Variants in RHOBTB1 observed in about 807,000 individuals in gnomAD.
RHOBTB1 encodes the protein Rho related BTB domain containing 1, also known as rho-related BTB domain-containing protein 1.
RHOBTB1 carries 40 observed loss-of-function variants against 71.6 expected under a neutral mutation model. That is an observed-to-expected ratio of 0.56 (90% CI 0.43 to 0.73). The LOEUF is 0.73. RHOBTB1 is among the 30% of genes least tolerant of loss of function. The pLI is 0.00. For synonymous variants in RHOBTB1, 319 were observed against 334.9 expected, an observed-to-expected ratio of 0.95 and a Z score of 0.52; for missense variants, 797 against 894.0, an observed-to-expected ratio of 0.89 and a Z score of 1.38.
chr10:60,972,961 A>C (rs2086209869), intron 2 of RHOBTB1, among the ~76,000 whole-genome samples: 1 of 152,054 alleles, frequency 6.6e-6, no homozygotes, highest in Admixed American at 6.6e-5. Context: ...AGCAAGAATG[A>C]TTTTAGTTTG....
At chr10:60,976,181 C>A (rs2086308152) in intron 2 of RHOBTB1, among the ~76,000 whole-genome samples, 2 of 151,846 alleles carry the variant, frequency 1.3e-5, no homozygotes. Flanking sequence ...AACGGTGGCA[C>A]ATAAGGAAAG....
At chr10:60,954,665 A>T (rs960888649) in intron 2 of RHOBTB1, among the ~76,000 whole-genome samples, 9 of 152,198 alleles carry the variant, frequency 5.9e-5, no homozygotes, top group Non-Finnish European at 7.3e-5. Flanking sequence ...ACCTACTTGA[A>T]AAAATGGATG....
intron 2 of RHOBTB1, among the ~76,000 whole-genome samples, chr10:60,964,156 G>A (rs569854954): frequency 3.3e-5 from 5 of 151,924 alleles, no homozygotes; most frequent in Non-Finnish European, 4.4e-5. Flanking sequence ...AAAATATAAC[G>A]CATGCAACGT....
chr10:60,956,253 T>C (rs952694416), intron 2 of RHOBTB1, among the ~76,000 whole-genome samples: 6 of 152,054 alleles, frequency 3.9e-5, no homozygotes, highest in African/African-American at 1.5e-4. Flanking sequence ...ACAGTAAAAA[T>C]ATGAATAAAA....
At chr10:60,944,508 C>T (rs749618856), upstream of RHOBTB1, among the ~76,000 whole-genome samples, 1 of 152,146 alleles carries the variant, frequency 6.6e-6, no homozygotes, top group African/African-American at 2.4e-5. Context: ...GCATGGGAGA[C>T]CCCGGCCCTT....
intron 5 of RHOBTB1, 81 bp downstream of exon 5, chr10:60,892,729 G>C (rs148199313): frequency 2.2e-4 from 277 of 1,257,020 alleles, no homozygotes; most frequent in Middle Eastern, 7.2e-4. Flanking sequence ...TTGAAGAGCA[G>C]AACACCAGGC....
In RHOBTB1 at chr10:60,937,963, T is replaced by C. The variant is rs537084975; in HGVS notation, c.-11+3841A>G. ...CCCTCTGAGGGGGGAGGGGATGCTG[T>C]TCCCATTTTACAGTTGAGGAAAGTA... On this transcript the variant is annotated intron_variant, in intron 2 of 10. Coordinates refer to ENST00000337910, the MANE Select transcript of RHOBTB1 (RefSeq NM_014836.5). 5.9e-5 allele frequency among the ~76,000 whole-genome samples: 9 copies of C among 152,314 alleles called. No individual in the cohort carries two copies. In the East Asian group the frequency reaches 1.7e-3, roughly 29 times the overall value.
intron 7 of RHOBTB1, among the ~76,000 whole-genome samples, chr10:60,878,318 C>A (rs1458155935): frequency 6.6e-6 from 1 of 152,124 alleles, no homozygotes; most frequent in African/African-American, 2.4e-5. Context: ...CTAAATCAGA[C>A]AAATGGACTG....
chr10:60,970,895 T>C (rs561239507), intron 2 of RHOBTB1, among the ~76,000 whole-genome samples: 2 of 152,192 alleles, frequency 1.3e-5, no homozygotes, highest in South Asian at 2.1e-4. Flanking sequence ...AAAATATTCA[T>C]GGAGAGTCAA....
intron 7 of RHOBTB1, among the ~76,000 whole-genome samples, chr10:60,880,202 TGAGAGAGAGAGAGAGAGA>T (rs71018931): frequency 4.7e-5 from 6 of 126,934 alleles, no homozygotes; most frequent in Admixed American, 7.8e-5. Flanking sequence ...TGTGTGTGTG[TGAGAGAGAGAGAGAGAGA>T]GAGAGAGAGA....
chr10:60,991,036 A>G (rs1333433240), intron 1 of RHOBTB1, among the ~76,000 whole-genome samples: 1 of 152,102 alleles, frequency 6.6e-6, no homozygotes, highest in Non-Finnish European at 1.5e-5. Context: ...TGGCCTGTCA[A>G]TTTTACCTCC....
At chr10:60,967,406 C>T (rs2086007170) in intron 2 of RHOBTB1, among the ~76,000 whole-genome samples, 1 of 151,350 alleles carries the variant, frequency 6.6e-6, no homozygotes, top group Non-Finnish European at 1.5e-5. Flanking sequence ...GATTCTTGCA[C>T]CTCAGCCTCC....
At chr10:60,967,300 T>C (rs186513703) in intron 2 of RHOBTB1, among the ~76,000 whole-genome samples, 10 of 149,436 alleles carry the variant, frequency 6.7e-5, no homozygotes, top group African/African-American at 2.2e-4. Flanking sequence ...TTTTTTTTTT[T>C]TTTTCTTTTT....
At chr10:60,895,746 G>A (rs2082134282) in intron 4 of RHOBTB1, among the ~76,000 whole-genome samples, 1 of 152,208 alleles carries the variant, frequency 6.6e-6, no homozygotes, top group Non-Finnish European at 1.5e-5. Context: ...ATGTCTTGTG[G>A]TTAACCCTTG....
At chr10:60,961,792 T>C (rs562022642) in intron 2 of RHOBTB1, among the ~76,000 whole-genome samples, 1 of 148,320 alleles carries the variant, frequency 6.7e-6, no homozygotes, top group South Asian at 2.1e-4. Context: ...AATGCAGTGG[T>C]GATTTATAAC....
At chr10:60,881,978 C>T (rs905303734) in intron 7 of RHOBTB1, among the ~76,000 whole-genome samples, 4 of 151,974 alleles carry the variant, frequency 2.6e-5, no homozygotes, top group African/African-American at 9.7e-5. Flanking sequence ...TAGAAAAAAA[C>T]ATTAAATTAG....
Position 60,984,841 on chromosome 10 carries a change from T to C in RHOBTB1, c.-62+1004A>G, listed in dbSNP as rs1291422973. 2.0e-5 allele frequency among the ~76,000 whole-genome samples: 3 copies of C among 152,290 alleles called. No individual in the cohort carries two copies. In the East Asian group the frequency reaches 5.8e-4, roughly 29 times the overall value. On this transcript the variant is annotated intron_variant, in intron 2 of 11. Coordinates refer to the RHOBTB1 transcript ENST00000357917. ...TTATTTTCAGTCTTATGTACACATTTTAGACACAGAATAAACAATTTTCAA... is the reference window on the plus strand; with the variant it reads ...TTATTTTCAGTCTTATGTACACATTCTAGACACAGAATAAACAATTTTCAA...
In RHOBTB1 at chr10:60,888,653, T is replaced by C; in HGVS notation, c.1015A>G (p.Arg339Gly). The C allele has an allele frequency of 6.2e-7, 1 of 1,614,214 alleles. No individual in the cohort carries two copies. The highest frequency in any genetic ancestry group is 8.5e-7 in the Non-Finnish European group (1 of 1,180,042). ...PEEEREEGPP[R>G]IPQADQWKSS... ...TTCCACTGGTCGGCCTGAGGAATCC[T>C]AGGCGGGCCCTCCTCCCTTTCTTCC... Residue 339 changes from arginine to glycine, a missense_variant, in exon 6 of 11, where the codon AGG becomes GGG. Transcript: ENST00000337910.
downstream of RHOBTB1, among the ~76,000 whole-genome samples, chr10:60,867,482 C>T (rs1435690888): frequency 1.3e-5 from 2 of 152,194 alleles, no homozygotes; most frequent in African/African-American, 4.8e-5. Flanking sequence ...AAATCCATGT[C>T]GCTGTGGAAA....
Sources: gnomAD v4.1 joint callset for allele counts (sites outside exome capture counted in the v4.1 genomes callset) on GRCh38, gnomAD v4.1.1 for gene constraint, MANE v1.5 for transcripts, NCBI Gene and HGNC (gene_info 2026-07-23, HGNC 2026-07-21) for gene names.